The following TRPS1 variants were observed in gnomAD, a reference collection of about 807,000 sequenced individuals.
The protein encoded by TRPS1 is transcriptional repressor GATA binding 1, also known as zinc finger transcription factor Trps1.
In TRPS1, 6 loss-of-function variants were observed where a neutral mutation model predicts 101.2. The ratio of observed to expected loss-of-function variants is 0.06; its 90% CI spans 0.03 to 0.12. The LOEUF is 0.12. TRPS1 is among the 10% of genes least tolerant of loss of function. The pLI is 1.00. For missense variants in TRPS1, 1,363 were observed against 1,567.0 expected (o/e 0.87, Z 2.20); for synonymous variants, 578 against 589.8 (o/e 0.98, Z 0.29).
At chr8:115,645,999 C>T (rs1008647812) in intron 1 of TRPS1, among the ~76,000 whole-genome samples, 23 of 151,804 alleles carry the variant, frequency 1.5e-4, no homozygotes, top group Admixed American at 3.3e-4. Flanking sequence ...TGTTCCTGTC[C>T]GTAAATATCC....
At chr8:115,464,666 T>G (rs896471323) in intron 5 of TRPS1, among the ~76,000 whole-genome samples, 1 of 152,142 alleles carries the variant, frequency 6.6e-6, no homozygotes, top group Non-Finnish European at 1.5e-5. Context: ...CTCATTTTTG[T>G]AATACAACAC....
intron 5 of TRPS1, among the ~76,000 whole-genome samples, chr8:115,499,959 C>CTTTCTTTCT (rs1554578307): frequency 1.4e-3 from 87 of 60,110 alleles, no homozygotes; most frequent in Non-Finnish European, 2.4e-3. Flanking sequence ...TTCTTTCTTT[C>CTTTCTTTCT]TTTCTTTTCT....
intron 5 of TRPS1, among the ~76,000 whole-genome samples, chr8:115,583,152 A>G (rs1278328219): frequency 6.6e-6 from 1 of 152,192 alleles, no homozygotes; most frequent in Non-Finnish European, 1.5e-5. Flanking sequence ...ATCCAATCTA[A>G]AAATTCCATT....
At chr8:115,596,611 A>G (rs1817790589) in intron 4 of TRPS1, among the ~76,000 whole-genome samples, 1 of 151,798 alleles carries the variant, frequency 6.6e-6, no homozygotes, top group African/African-American at 2.4e-5. Context: ...AGAAAGTACT[A>G]TTTATGGTAC....
At chr8:115,519,592 G>A (rs1342637246) in intron 5 of TRPS1, among the ~76,000 whole-genome samples, 2 of 151,350 alleles carry the variant, frequency 1.3e-5, no homozygotes, top group Non-Finnish European at 3.0e-5. Context: ...CACAATAGAT[G>A]TGGTGCCAAC....
intron 5 of TRPS1, among the ~76,000 whole-genome samples, chr8:115,517,133 C>T (rs1366854691): frequency 6.6e-6 from 1 of 151,578 alleles, no homozygotes; most frequent in Non-Finnish European, 1.5e-5. Flanking sequence ...CTTTGATATT[C>T]CTAACAAATT....
intron 1 of TRPS1, among the ~76,000 whole-genome samples, chr8:115,638,593 C>T (rs1563662138): frequency 1.3e-5 from 2 of 152,114 alleles, no homozygotes; most frequent in African/African-American, 4.8e-5. Flanking sequence ...AAAACTACCC[C>T]TTTGCCAAAG....
intron 5 of TRPS1, among the ~76,000 whole-genome samples, chr8:115,438,082 TA>T (rs1185487299): frequency 6.6e-6 from 1 of 152,078 alleles, no homozygotes; most frequent in Non-Finnish European, 1.5e-5. Context: ...GAGTCAAATT[TA>T]AAAAAATAGG....
intron 3 of TRPS1, among the ~76,000 whole-genome samples, chr8:115,605,793 T>TA (rs1257773342): frequency 6.6e-6 from 1 of 152,128 alleles, no homozygotes; most frequent in Non-Finnish European, 1.5e-5. Context: ...AATTCCACCA[T>TA]AAAAAATCAC....
intron 5 of TRPS1, among the ~76,000 whole-genome samples, chr8:115,461,816 T>A (rs1490044468): frequency 6.6e-6 from 1 of 152,198 alleles, no homozygotes; most frequent in Non-Finnish European, 1.5e-5. Context: ...TGATTGCCTA[T>A]ACATCCAGTT....
At chr8:115,422,068 GCCTATTAAGGACAGAAAT>G (rs1460668126) in intron 5 of TRPS1, among the ~76,000 whole-genome samples, 1 of 152,140 alleles carries the variant, frequency 6.6e-6, no homozygotes, top group African/African-American at 2.4e-5. Context: ...TTTGCAGTAA[GCCTATTAAGGACAGAAAT>G]CCTGTTTCCT....
chr8:115,480,285 T>G (rs902699619), intron 5 of TRPS1, among the ~76,000 whole-genome samples: 18 of 152,054 alleles, frequency 1.2e-4, no homozygotes, highest in African/African-American at 4.3e-4. Context: ...CCTAGCAGAG[T>G]GTCCAACATA....
chr8:115,595,972 T>A (rs1197080904), intron 4 of TRPS1, among the ~76,000 whole-genome samples: 1 of 151,874 alleles, frequency 6.6e-6, no homozygotes, highest in East Asian at 1.9e-4. Context: ...CAAGGTATTA[T>A]AAGCAACTGA....
chr8:115,618,011 G>A (rs1202658190), intron 3 of TRPS1, among the ~76,000 whole-genome samples: 1 of 152,110 alleles, frequency 6.6e-6, no homozygotes, highest in East Asian at 1.9e-4. Context: ...TGCAAAATAT[G>A]TTCACTACCT....
intron 5 of TRPS1, among the ~76,000 whole-genome samples, chr8:115,523,310 A>G (rs1404543614): frequency 6.6e-6 from 1 of 152,124 alleles, no homozygotes; most frequent in African/African-American, 2.4e-5. Context: ...TCCAGAAAAA[A>G]TAGTGTTTGA....
At chr8:115,513,401 T>G (rs984638440) in intron 5 of TRPS1, among the ~76,000 whole-genome samples, 4 of 151,728 alleles carry the variant, frequency 2.6e-5, no homozygotes, top group Admixed American at 2.6e-4. Context: ...GAACGTGGTA[T>G]GGTTTGCAAT....
Position 115,631,634 on chromosome 8 carries a change from C to CATGGATGG in TRPS1, c.-121-7884_-121-7877dup, listed in dbSNP as rs57368306. ...AGAAGGCACTCGTTCTTATTAGATG[C>CATGGATGG]ATGGATGGATGGATGGATGGATGGA... On this transcript the variant is annotated intron_variant, in intron 1 of 6. Transcript: ENST00000395715. 4.8e-4 allele frequency among the ~76,000 whole-genome samples: 71 copies of CATGGATGG among 149,408 alleles called. No homozygotes were observed. In the South Asian group the frequency reaches 6.2e-3, roughly 13 times the overall value.
intron 5 of TRPS1, among the ~76,000 whole-genome samples, chr8:115,429,624 G>A (rs561014785): frequency 6.6e-6 from 1 of 152,018 alleles, no homozygotes; most frequent in Non-Finnish European, 1.5e-5. Context: ...TTTGTACATC[G>A]AGCAGAATAT....
intron 5 of TRPS1, among the ~76,000 whole-genome samples, chr8:115,556,167 C>A (rs1180784644): frequency 3.9e-5 from 6 of 152,146 alleles, no homozygotes; most frequent in African/African-American, 1.4e-4. Context: ...CATTGGCAAC[C>A]TCTAGGTGTC....
Sources: allele counts gnomAD v4.1 joint callset (sites outside exome capture counted in the v4.1 genomes callset), GRCh38; gene constraint gnomAD v4.1.1; transcripts MANE v1.5; gene names NCBI Gene and HGNC (gene_info 2026-07-23, HGNC 2026-07-21).